ADCYAP1: variants seen among roughly 807,000 people sequenced by gnomAD.
ADCYAP1 encodes the protein adenylate cyclase activating polypeptide 1.
Under a neutral mutation model 18.5 loss-of-function variants are expected in ADCYAP1, and 6 were observed. The observed-to-expected ratio is 0.32, with a 90% CI of 0.18 to 0.64. ADCYAP1 has a LOEUF of 0.64. Among genes scored for constraint, ADCYAP1 ranks in the 30% least tolerant of loss-of-function variants. The probability of loss-of-function intolerance (pLI) is 0.77; values close to 1 mark genes in which losing one functional copy is unlikely to be tolerated. For missense variants in ADCYAP1, 314 were observed against 253.6 expected (o/e 1.24, Z -1.62); for synonymous variants, 136 against 113.9 (o/e 1.19, Z -1.24).
At chr18:907,341 C>A (rs986145118) in intron 2 of ADCYAP1, among the ~76,000 whole-genome samples, 2 of 151,786 alleles carry the variant, frequency 1.3e-5, no homozygotes, top group Non-Finnish European at 2.9e-5. Flanking sequence ...GGGAGGGGGG[C>A]GGTCCTTTTC....
chr18:905,186 A>G (rs1909114145), intron 1 of ADCYAP1, 126 bp downstream of exon 1: 20 of 1,417,644 alleles, frequency 1.4e-5, no homozygotes, highest in Non-Finnish European at 1.6e-5. Context: ...CGCCGGGTAG[A>G]TGCATATATA....
At chr18:909,365 G>A (rs1011479967) in intron 4 of ADCYAP1, 81 bp from the exon 5 acceptor site, 91 of 1,416,716 alleles carry the variant, frequency 6.4e-5, no homozygotes, top group Non-Finnish European at 8.5e-5. Flanking sequence ...TCCCGCGTGG[G>A]GTGGGGCCCG....
At chr18:907,437 G>T (rs1250503151) in intron 2 of ADCYAP1, 2 of 446,988 alleles carry the variant, frequency 4.5e-6, no homozygotes, top group Admixed American at 5.1e-5. Flanking sequence ...CCCTTTACCC[G>T]CGAAGGGGGG....
At position 907,784 on chromosome 18, in the gene ADCYAP1, G is replaced by C; in HGVS notation, c.236G>C (p.Gly79Ala). ...RAAAAWYRPA[G>A]RRDVAHGILN... The stretch of plus-strand genomic sequence containing the variant: ...GCCGCCGCCTGGTACCGCCCGGCCG[G>C]GAGAAGGTGAGATTCGCGCGGCCTC... Residue 79 changes from glycine (G) to alanine (A), a missense_variant, in exon 3 of 5, where the codon GGG becomes GCG. Transcript: ENST00000450565. 1 of 1,440,438 alleles carries C rather than the reference G, an allele frequency of 6.9e-7. No homozygotes were observed. The highest frequency in any genetic ancestry group is 1.5e-5 in the South Asian group (1 of 68,048). 89.2% of individuals were successfully genotyped at this position (1,440,438 alleles called of 1,614,324 possible).
In ADCYAP1 at chr18:907,791, G is replaced by T; in HGVS notation, c.242+1G>T. 1 of 1,434,224 alleles carries T rather than the reference G, an allele frequency of 7.0e-7. No individual in the cohort carries two copies. The highest frequency in any genetic ancestry group is 9.0e-7 in the Non-Finnish European group (1 of 1,108,674). 88.8% of individuals were successfully genotyped at this position (1,434,224 alleles called of 1,614,324 possible). ...CCTGGTACCGCCCGGCCGGGAGAAG[G>T]TGAGATTCGCGCGGCCTCGCGCACA... On this transcript the variant is annotated splice_donor_variant, in intron 3 of 4. Coordinates refer to ENST00000450565, the MANE Select transcript of ADCYAP1 (RefSeq NM_001099733.2). LOFTEE classifies it high-confidence loss of function.
chr18:905,331 G>T (rs948398868), intron 1 of ADCYAP1, 55 bp from the exon 2 acceptor site: 20 of 1,590,442 alleles, frequency 1.3e-5, no homozygotes, highest in African/African-American at 9.4e-5. Flanking sequence ...GGGTTGGAGG[G>T]TGGGAGGCCA....
rs535856431 is a variant in ADCYAP1, at chr18:907,994, ACCGAGGGGG to A, written c.242+205_242+213del. 2.7e-4 allele frequency: 275 copies of A among 1,006,154 alleles called. 1 individual carries two copies. The South Asian group carries it at 3.4e-3, about 12-fold the overall frequency. 62.3% of individuals were successfully genotyped at this position (1,006,154 alleles called of 1,614,324 possible). A position where few individuals can be genotyped will look rare whatever the true frequency, so the allele number is the denominator to read the frequency against. On this transcript the variant is annotated intron_variant, in intron 3 of 4. Coordinates refer to ENST00000450565, the MANE Select transcript of ADCYAP1 (RefSeq NM_001099733.2). ...GTGTGGACCTGAGGGCCGCGTGGGG[ACCGAGGGGG>A]GCTGTGGCCCAAAGAGTGGCAGTGA...
chr18:907,163 A>G (rs1255654059), intron 2 of ADCYAP1, among the ~76,000 whole-genome samples: 1 of 152,092 alleles, frequency 6.6e-6, no homozygotes, highest in African/African-American at 2.4e-5. Flanking sequence ...CTGGGCTCGG[A>G]GGCTGGGGTG....
chr18:904,715 A>C (rs549810788), upstream of ADCYAP1: 11 of 1,230,408 alleles, frequency 8.9e-6, no homozygotes, highest in Admixed American at 1.4e-4. Flanking sequence ...CTTTCCCTTA[A>C]TCGCCTGCTT....
chr18:908,326 G>T lies in ADCYAP1; in HGVS notation c.304G>T (p.Gly102Trp), dbSNP rs1400847743. ...YRKVLDQLSA[G>W]KHLQSLVARG... The stretch of plus-strand genomic sequence containing the variant: ...CAAAGTGCTGGACCAGCTGTCCGCC[G>T]GGAAGCACCTGCAGTCGCTCGTGGC... The change falls in exon 4 of 5, where the codon GGG becomes TGG. Residue 102 changes from glycine to tryptophan, a missense_variant. By Grantham distance (184) the Gly-to-Trp change is radical. Coordinates refer to ENST00000450565, the MANE Select transcript of ADCYAP1 (RefSeq NM_001099733.2). 3 of 1,613,228 alleles carry T rather than the reference G, an allele frequency of 1.9e-6. No individual in the cohort carries two copies. Among genetic ancestry groups the T allele is most frequent in the Admixed American group, 3.3e-5 (2 of 59,978 alleles).
rs1909255089 is a variant in ADCYAP1, at chr18:908,279, G to A, written c.257G>A (p.Gly86Glu). Residue 86 changes from glycine to glutamate, a missense_variant, in exon 4 of 5, where the codon GGG becomes GAG. Transcript: ENST00000450565. ...CTCCCCGTTAGAGATGTCGCCCACGGGATCCTTAACGAGGCCTACCGCAAA... is the reference window on the plus strand; with the variant it reads ...CTCCCCGTTAGAGATGTCGCCCACGAGATCCTTAACGAGGCCTACCGCAAA... Reference protein sequence around the residue: ...RPAGRRDVAHGILNEAYRKVL... With the variant: ...RPAGRRDVAHEILNEAYRKVL... 3.1e-6 allele frequency: 5 copies of A among 1,612,432 alleles called. No individual in the cohort carries two copies. The highest frequency in any genetic ancestry group is 3.4e-6 in the Non-Finnish European group (4 of 1,179,458).
upstream of ADCYAP1, chr18:904,793 C>T (rs539625402): frequency 4.7e-6 from 6 of 1,282,488 alleles, no homozygotes; most frequent in East Asian, 5.6e-5. Flanking sequence ...CTCTTTCTTT[C>T]TTCTGCCTCT....
rs1271587609 is a variant in ADCYAP1 at position 908,406 on chromosome 18, G to C, written c.341+43G>C. 2.6e-6 allele frequency: 4 copies of C among 1,565,724 alleles called. No individual in the cohort carries two copies. In the African/African-American group the frequency reaches 4.1e-5, roughly 16 times the overall value. On this transcript the variant is annotated intron_variant, in intron 4 of 4. Transcript: ENST00000450565. Reference sequence around the variant, plus strand: ...GATTAACCTGCGCGCGCCGGGGTGGGTGCCTGTGCGGGGCGCGCGGGGCGG... The same window carrying C: ...GATTAACCTGCGCGCGCCGGGGTGGCTGCCTGTGCGGGGCGCGCGGGGCGG...
chr18:908,201 G>A, intron 3 of ADCYAP1, 64 bp from the exon 4 acceptor site: 3 of 1,450,520 alleles, frequency 2.1e-6, no homozygotes, highest in Non-Finnish European at 2.8e-6. Context: ...CAACAAGGGG[G>A]TCTCTAGCGG....
chr18:908,044 C>T, intron 3 of ADCYAP1: 1 of 717,512 alleles, frequency 1.4e-6, no homozygotes, highest in Admixed American at 3.1e-5. Flanking sequence ...GTCAAGGAAC[C>T]CACACTCCGC....
At chr18:909,336 C>T in intron 4 of ADCYAP1, 110 bp from the exon 5 acceptor site, 1 of 1,104,426 alleles carries the variant, frequency 9.1e-7, no homozygotes, top group East Asian at 2.7e-5. Context: ...AGTGCGAGCC[C>T]CGGGCCCTCC....
At position 908,319 on chromosome 18, in the gene ADCYAP1, G is replaced by A. The variant is rs778067047; in HGVS notation, c.297G>A (p.Leu99=). The change falls in exon 4 of 5, where the codon CTG becomes CTA. Residue 99 remains leucine, a synonymous_variant. Transcript: ENST00000450565. ...NEAYRKVLDQ[L]SAGKHLQSLV... ...CCTACCGCAAAGTGCTGGACCAGCT[G>A]TCCGCCGGGAAGCACCTGCAGTCGC... 70 of 1,613,420 alleles carry A rather than the reference G, an allele frequency of 4.3e-5. No individual in the cohort carries two copies. Among genetic ancestry groups the A allele is most frequent in the Non-Finnish European group, 5.3e-5 (63 of 1,179,794 alleles).
chr18:905,200 A>T (rs12605354), intron 1 of ADCYAP1, 140 bp downstream of exon 1: 17,580 of 1,410,162 alleles, frequency 0.012, 176 homozygotes, highest in South Asian at 0.031. Flanking sequence ...ATATATATAT[A>T]TTTTTTTCTA....
upstream of ADCYAP1, chr18:904,860 A>G (rs969564618): frequency 2.3e-6 from 3 of 1,286,896 alleles, no homozygotes; most frequent in African/African-American, 4.6e-5. Flanking sequence ...CGCGTCTACA[A>G]ACTTTTGAGC....
Sources: allele counts gnomAD v4.1 joint callset (sites outside exome capture counted in the v4.1 genomes callset), GRCh38; gene constraint gnomAD v4.1.1; transcripts MANE v1.5; gene names NCBI Gene and HGNC (gene_info 2026-07-23, HGNC 2026-07-21).